The following SLCO6A1 variants were observed in gnomAD, a reference collection of about 807,000 sequenced individuals.
SLCO6A1 encodes the protein solute carrier organic anion transporter family member 6A1.
A neutral mutation model predicts 72.7 loss-of-function variants in SLCO6A1; 65 were observed. The ratio of observed to expected loss-of-function variants is 0.89; its 90% CI spans 0.73 to 1.10. The LOEUF (loss-of-function observed/expected upper bound fraction) is 1.10, where lower values mean the gene tolerates loss of function less well. SLCO6A1 is among the 50% of genes least tolerant of loss of function. The pLI is 0.00. For missense variants in SLCO6A1, 874 were observed against 872.6 expected, an observed-to-expected ratio of 1.00 and a Z score of -0.02; for synonymous variants, 314 against 298.2, an observed-to-expected ratio of 1.05 and a Z score of -0.55.
intron 1 of SLCO6A1, among the ~76,000 whole-genome samples, chr5:102,481,221 C>A (rs1752175222): frequency 1.1e-5 from 1 of 92,288 alleles, no homozygotes; most frequent in African/African-American, 3.0e-5. Context: ...GTTAGAACTG[C>A]AATCACTACA....
At chr5:102,372,787 C>T (rs1245608409) in intron 13 of SLCO6A1, among the ~76,000 whole-genome samples, 1 of 151,572 alleles carries the variant, frequency 6.6e-6, no homozygotes, top group Non-Finnish European at 1.5e-5. Context: ...TTATTATAAA[C>T]TGGTCAATTA....
intron 1 of SLCO6A1, among the ~76,000 whole-genome samples, chr5:102,482,438 C>T (rs564936998): frequency 1.1e-3 from 169 of 152,264 alleles, no homozygotes; most frequent in Non-Finnish European, 2.0e-3. Context: ...ACTATTCACT[C>T]GCTCTTCTAC....
intron 12 of SLCO6A1, among the ~76,000 whole-genome samples, chr5:102,383,326 G>C (rs2112493081): frequency 6.6e-6 from 1 of 151,352 alleles, no homozygotes; most frequent in Middle Eastern, 3.4e-3. Flanking sequence ...CATGATATTA[G>C]GTCTGAGTAA....
At chr5:102,399,808 A>T in intron 9 of SLCO6A1, 66 bp from the exon 10 acceptor site, 2 of 1,193,230 alleles carry the variant, frequency 1.7e-6, no homozygotes, top group Non-Finnish European at 2.3e-6. Flanking sequence ...TTCTTATCAT[A>T]AAATAAAAAT....
chr5:102,464,966 T>C (rs1035382832), intron 4 of SLCO6A1, among the ~76,000 whole-genome samples: 2 of 152,134 alleles, frequency 1.3e-5, no homozygotes, highest in African/African-American at 2.4e-5. Context: ...CCATCACTTT[T>C]GTACCTCAGA....
chr5:102,436,922 A>G (rs1749567589), intron 7 of SLCO6A1, among the ~76,000 whole-genome samples: 1 of 152,218 alleles, frequency 6.6e-6, no homozygotes. Flanking sequence ...AATGGAAATG[A>G]TAGATTCAAG....
intron 9 of SLCO6A1, among the ~76,000 whole-genome samples, chr5:102,411,707 GACTT>G (rs887334578): frequency 6.6e-6 from 1 of 151,660 alleles, no homozygotes; most frequent in African/African-American, 2.4e-5. Context: ...TCTTTATCAT[GACTT>G]ACTTTCTAAT....
At chr5:102,417,758 C>T (rs1393925412) in intron 8 of SLCO6A1, among the ~76,000 whole-genome samples, 2 of 152,026 alleles carry the variant, frequency 1.3e-5, no homozygotes, top group African/African-American at 4.8e-5. Context: ...GAAAGACTTC[C>T]TTTAACATTT....
chr5:102,432,144 C>T (rs1305855440), intron 7 of SLCO6A1, among the ~76,000 whole-genome samples: 1 of 152,124 alleles, frequency 6.6e-6, no homozygotes, highest in Admixed American at 6.5e-5. Context: ...GTATGTGAGA[C>T]ACATTTCTTG....
At chr5:102,476,989 G>A (rs558296571) in intron 3 of SLCO6A1, among the ~76,000 whole-genome samples, 1 of 151,996 alleles carries the variant, frequency 6.6e-6, no homozygotes, top group Non-Finnish European at 1.5e-5. Context: ...CTTATTGTAG[G>A]ATACAGTGGC....
intron 4 of SLCO6A1, among the ~76,000 whole-genome samples, chr5:102,470,548 CT>C (rs1751555021): frequency 6.6e-6 from 1 of 152,030 alleles, no homozygotes; most frequent in Admixed American, 6.6e-5. Flanking sequence ...ATTCTTCTCT[CT>C]TTTCTTCTTT....
intron 3 of SLCO6A1, among the ~76,000 whole-genome samples, chr5:102,477,458 T>G (rs1283152683): frequency 2.4e-4 from 36 of 152,036 alleles, no homozygotes; most frequent in Non-Finnish European, 5.9e-5. Flanking sequence ...TCTATATATT[T>G]TCAGTGACAT....
At chr5:102,411,421 T>A (rs1183133950) in intron 9 of SLCO6A1, among the ~76,000 whole-genome samples, 1 of 152,032 alleles carries the variant, frequency 6.6e-6, no homozygotes, top group East Asian at 1.9e-4. Flanking sequence ...TGCACCACCA[T>A]GCACAGTTAA....
intron 10 of SLCO6A1, among the ~76,000 whole-genome samples, chr5:102,396,718 GGAAATTGTAAAAA>G (rs1241265571): frequency 6.6e-6 from 1 of 152,106 alleles, no homozygotes; most frequent in East Asian, 1.9e-4. Context: ...TAGCCCCACA[GGAAATTGTAAAAA>G]TAGTACAAAG....
intron 1 of SLCO6A1, among the ~76,000 whole-genome samples, chr5:102,491,527 G>T (rs116828956): frequency 0.023 from 3,527 of 152,330 alleles, 95 homozygotes; most frequent in African/African-American, 0.068. Context: ...GGTCCCGAGC[G>T]CTGCCCCACA....
Position 102,373,434 on chromosome 5 carries a change from C to T in SLCO6A1, c.2078G>A (p.Arg693His), listed in dbSNP as rs143214362. 3.5e-4 allele frequency: 554 copies of T among 1,574,902 alleles called. No individual in the cohort carries two copies. Among genetic ancestry groups the T allele is most frequent in the Non-Finnish European group, 4.4e-4 (509 of 1,163,546 alleles). Residue 693 changes from arginine (R) to histidine (H), a missense_variant, in exon 13 of 14, where the codon CGT becomes CAT. By Grantham distance (29) the Arg-to-His change is conservative. Transcript: ENST00000506729. ...FTTIAFFIYK[R>H]RLNENTDFPD... ...GAAGTCAGTGTTCTCATTTAGACGA[C>T]GTTTGTATATGAAAAATGCAATAGT...
intron 3 of SLCO6A1, among the ~76,000 whole-genome samples, chr5:102,477,469 T>C (rs1389708015): frequency 6.6e-6 from 1 of 152,100 alleles, no homozygotes; most frequent in African/African-American, 2.4e-5. Context: ...TCAGTGACAT[T>C]CAGGTGACTT....
chr5:102,429,852 G>A (rs980268680), intron 7 of SLCO6A1, among the ~76,000 whole-genome samples: 2 of 152,144 alleles, frequency 1.3e-5, no homozygotes, highest in Non-Finnish European at 2.9e-5. Context: ...AATTGCATTG[G>A]TAGTTTAATA....
chr5:102,384,099 C>T (rs1350547683), intron 12 of SLCO6A1, among the ~76,000 whole-genome samples: 2 of 151,554 alleles, frequency 1.3e-5, no homozygotes, highest in African/African-American at 4.8e-5. Context: ...TAAGGGCTTG[C>T]CAGTTTAATT....
Sources: gnomAD v4.1 joint callset for allele counts (sites outside exome capture counted in the v4.1 genomes callset) on GRCh38, gnomAD v4.1.1 for gene constraint, MANE v1.5 for transcripts, NCBI Gene and HGNC (gene_info 2026-07-23, HGNC 2026-07-21) for gene names.